CATSPERD: variants seen among roughly 807,000 people sequenced by gnomAD.
CATSPERD encodes the protein catsper channel auxiliary subunit delta, also known as cation channel sperm-associated auxiliary subunit delta.
Under a neutral mutation model 98.1 loss-of-function variants are expected in CATSPERD, and 86 were observed. The observed-to-expected ratio is 0.88, with a 90% CI of 0.74 to 1.05. The LOEUF (loss-of-function observed/expected upper bound fraction) is 1.05, where lower values mean the gene tolerates loss of function less well. Ranked by LOEUF, CATSPERD falls within the 50% of genes least tolerant of loss-of-function variation. The probability of loss-of-function intolerance (pLI) is 0.00; values close to 1 mark genes in which losing one functional copy is unlikely to be tolerated. For missense variants in CATSPERD, 995 were observed against 1,005.7 expected (o/e 0.99, Z 0.14); for synonymous variants, 394 against 390.2 (o/e 1.01, Z -0.12).
At chr19:5,723,056 G>A (rs968212515) in intron 1 of CATSPERD, among the ~76,000 whole-genome samples, 2 of 151,372 alleles carry the variant, frequency 1.3e-5, no homozygotes, top group Non-Finnish European at 2.9e-5. Context: ...GTGTGGTGGC[G>A]GGCGCTTGTA....
At position 5,768,188 on chromosome 19, in the gene CATSPERD, T is replaced by C. The variant is rs867081308; in HGVS notation, c.1580T>C (p.Met527Thr). Residue 527 changes from methionine to threonine, a missense_variant, in exon 18 of 22, where the codon ATG becomes ACG. By Grantham distance (81) the Met-to-Thr change is moderately conservative. Around this residue, in one of 3 missense-constraint regions of CATSPERD, gnomAD observed 762 missense variants for 773.7 expected, o/e 0.98. Transcript: ENST00000381624. ...TGCAGCAAAGTTTCCGCCTGTTCCA[T>C]GGGCATCCTGGACCCCTTGACCCTG... ...VIQNKVSACS[M>T]GILDPLTLQD... The C allele has an allele frequency of 7.4e-6, 12 of 1,613,724 alleles. No homozygotes were observed. In the Admixed American group the frequency reaches 1.8e-4, roughly 25 times the overall value.
At chr19:5,727,800 C>T (rs2055633745) in intron 3 of CATSPERD, among the ~76,000 whole-genome samples, 1 of 152,056 alleles carries the variant, frequency 6.6e-6, no homozygotes, top group African/African-American at 2.4e-5. Flanking sequence ...GGTATGTCCA[C>T]CATGCCAGGA....
chr19:5,744,304 ATTAT>A (rs1465532868), intron 7 of CATSPERD, 119 bp from the exon 8 acceptor site: 16 of 793,200 alleles, frequency 2.0e-5, no homozygotes, highest in Non-Finnish European at 3.3e-5. Flanking sequence ...CACAGAGGGC[ATTAT>A]TTGTTTTTCT....
At position 5,727,272 on chromosome 19, in the gene CATSPERD, G is replaced by A. The variant is rs182825334; in HGVS notation, c.131G>A (p.Arg44His). The change falls in exon 3 of 22, where the codon CGC becomes CAC. Residue 44 changes from arginine to histidine, a missense_variant. This residue lies in a region of CATSPERD where 228 missense variants were observed against 209.6 expected (regional missense o/e 1.09). Transcript: ENST00000381624. The part of the protein sequence containing the change: ...FNLIQDVQGD[R>H]LYFHPTTTRL... ...ATTTTGTGATTATCTCTCTAGGACCGCCTGTATTTTCATCCTACAACAACA... is the reference window on the plus strand; with the variant it reads ...ATTTTGTGATTATCTCTCTAGGACCACCTGTATTTTCATCCTACAACAACA... The A allele has an allele frequency of 2.0e-3, 3,255 of 1,610,410 alleles. 6 individuals carry two copies. The highest frequency in any genetic ancestry group is 2.5e-3 in the Non-Finnish European group (2,988 of 1,176,730).
At chr19:5,721,256 C>T (rs1031045296) in intron 1 of CATSPERD, among the ~76,000 whole-genome samples, 5 of 152,168 alleles carry the variant, frequency 3.3e-5, no homozygotes, top group Admixed American at 2.0e-4. Context: ...CCTGCCTCGG[C>T]CTCCCAAAGT....
At chr19:5,726,911 T>C (rs1166599467) in intron 2 of CATSPERD, among the ~76,000 whole-genome samples, 1 of 151,874 alleles carries the variant, frequency 6.6e-6, no homozygotes, top group East Asian at 1.9e-4. Flanking sequence ...AAATTATTTC[T>C]GGCCGGACGT....
intron 5 of CATSPERD, among the ~76,000 whole-genome samples, chr19:5,734,548 G>C (rs1458258841): frequency 6.6e-6 from 1 of 152,070 alleles, no homozygotes; most frequent in African/African-American, 2.4e-5. Context: ...TGAGGCAGGA[G>C]AATCGCTTGA....
intron 13 of CATSPERD, 96 bp downstream of exon 13, chr19:5,754,341 GGA>G (rs2056283577): frequency 1.3e-6 from 1 of 746,840 alleles, no homozygotes; most frequent in Admixed American, 2.0e-5. Flanking sequence ...TCCCCCACAA[GGA>G]GAGACGCTAC....
chr19:5,725,405 C>T (rs1397966082), intron 2 of CATSPERD, among the ~76,000 whole-genome samples: 1 of 152,144 alleles, frequency 6.6e-6, no homozygotes, highest in African/African-American at 2.4e-5. Flanking sequence ...CCTGCCTCAG[C>T]CTCCCAAAGT....
intron 3 of CATSPERD, among the ~76,000 whole-genome samples, chr19:5,728,040 A>C (rs942203545): frequency 1.6e-4 from 5 of 31,978 alleles, no homozygotes; most frequent in South Asian, 1.4e-3. Flanking sequence ...AGTATCTACA[A>C]AAAAAAAAAA....
intron 11 of CATSPERD, among the ~76,000 whole-genome samples, chr19:5,749,525 T>C (rs536906042): frequency 9.1e-4 from 138 of 152,270 alleles, no homozygotes; most frequent in Non-Finnish European, 1.6e-3. Flanking sequence ...CTGAACCTTT[T>C]TTCGAAGGCT....
intron 6 of CATSPERD, among the ~76,000 whole-genome samples, chr19:5,737,971 G>A (rs1367762459): frequency 3.3e-5 from 5 of 152,064 alleles, no homozygotes; most frequent in African/African-American, 1.2e-4. Context: ...AGATGGAAAA[G>A]GTTTTGGGGA....
intron 8 of CATSPERD, among the ~76,000 whole-genome samples, chr19:5,745,586 A>T (rs541670448): frequency 2.6e-5 from 4 of 152,200 alleles, no homozygotes; most frequent in Non-Finnish European, 2.9e-5. Context: ...GTGCCACTGC[A>T]CTCCAGCCTG....
Position 5,723,142 on chromosome 19 carries a change from G to A in CATSPERD, c.72-1666G>A, listed in dbSNP as rs570235535. Among the ~76,000 whole-genome samples, 339 of 147,848 alleles carry A rather than the reference G, an allele frequency of 2.3e-3. 1 individual carries two copies. The highest frequency in any genetic ancestry group is 3.6e-3 in the Non-Finnish European group (239 of 67,168). On this transcript the variant is annotated intron_variant, in intron 1 of 21. Transcript: ENST00000381624. Reference sequence around the variant, plus strand: ...GTGGAGCTTGCAGTGAGCTGAGATCGCGCCACTGCACTCCAGCCTGGGCGA... The same window carrying A: ...GTGGAGCTTGCAGTGAGCTGAGATCACGCCACTGCACTCCAGCCTGGGCGA...
Position 5,745,454 on chromosome 19 carries a change from G to A in CATSPERD, c.658-459G>A, listed in dbSNP as rs553728047. On this transcript the variant is annotated intron_variant, in intron 8 of 21. Coordinates refer to ENST00000381624, the MANE Select transcript of CATSPERD (RefSeq NM_152784.4). Reference sequence around the variant, plus strand: ...GCCAAGATGGTGAAACCCCGTCTCTGCTAAAAACACAAAAAAATTAGCCCG... The same window carrying A: ...GCCAAGATGGTGAAACCCCGTCTCTACTAAAAACACAAAAAAATTAGCCCG... 3.3e-5 allele frequency among the ~76,000 whole-genome samples: 5 copies of A among 151,924 alleles called. No individual in the cohort carries two copies. The East Asian group carries it at 9.8e-4, about 30-fold the overall frequency.
chr19:5,723,935 C>T (rs954803599), intron 1 of CATSPERD, among the ~76,000 whole-genome samples: 2 of 151,914 alleles, frequency 1.3e-5, no homozygotes, highest in Non-Finnish European at 2.9e-5. Context: ...CGCCACCACA[C>T]GCTAATTTTG....
chr19:5,763,942 G>A (rs2056491787), intron 16 of CATSPERD, among the ~76,000 whole-genome samples: 1 of 144,920 alleles, frequency 6.9e-6, no homozygotes, highest in Admixed American at 7.4e-5. Flanking sequence ...CCATCTCCCG[G>A]ATTCAAGCAA....
intron 16 of CATSPERD, among the ~76,000 whole-genome samples, chr19:5,764,198 T>C (rs1256647779): frequency 1.3e-5 from 2 of 150,180 alleles, no homozygotes; most frequent in Non-Finnish European, 1.5e-5. Context: ...CCTCCCAAAG[T>C]GCTGGGATTA....
chr19:5,742,223 TGTGTGC>T (rs1163231512), intron 7 of CATSPERD, among the ~76,000 whole-genome samples: 35 of 151,446 alleles, frequency 2.3e-4, no homozygotes, highest in African/African-American at 8.3e-4. Flanking sequence ...TGTGTACATG[TGTGTGC>T]GTGTGTGTAC....
Sources: gnomAD v4.1 joint callset for allele counts (sites outside exome capture counted in the v4.1 genomes callset) on GRCh38, gnomAD v4.1.1 for gene constraint, gnomAD v4.1.1 regional missense constraint, MANE v1.5 for transcripts, NCBI Gene and HGNC (gene_info 2026-07-23, HGNC 2026-07-21) for gene names.